NMBR: variants seen among roughly 807,000 people sequenced by gnomAD.
NMBR encodes the protein neuromedin B receptor.
Under a neutral mutation model 20.5 loss-of-function variants are expected in NMBR, and 16 were observed. The observed-to-expected ratio is 0.78, with a 90% CI of 0.53 to 1.19. The LOEUF (loss-of-function observed/expected upper bound fraction) is 1.19, where lower values mean the gene tolerates loss of function less well. Among genes scored for constraint, NMBR ranks in the 50% most tolerant of loss-of-function variants. The pLI, the probability that NMBR is intolerant of heterozygous loss-of-function variation, is 0.00. For missense variants in NMBR, 582 were observed against 499.1 expected, an observed-to-expected ratio of 1.17 and a Z score of -1.58; for synonymous variants, 212 against 196.6, an observed-to-expected ratio of 1.08 and a Z score of -0.65.
intron 1 of NMBR, chr6:142,134,813 C>A (rs746008430): frequency 1.9e-5 from 13 of 673,468 alleles, no homozygotes; most frequent in East Asian, 1.1e-4. Flanking sequence ...TTTGAAAAAA[C>A]CATTTTTCTC....
intron 1 of NMBR, among the ~76,000 whole-genome samples, chr6:142,096,801 G>A (rs1290248182): frequency 6.6e-6 from 1 of 151,850 alleles, no homozygotes; most frequent in African/African-American, 2.4e-5. Context: ...TATTGTGTGG[G>A]AGTCTAAGTC....
At chr6:142,117,067 G>A (rs1236873556) in intron 1 of NMBR, among the ~76,000 whole-genome samples, 1 of 151,838 alleles carries the variant, frequency 6.6e-6, no homozygotes, top group African/African-American at 2.4e-5. Context: ...TAATAGGACT[G>A]GCTTCCATTT....
chr6:142,098,986 G>A (rs186313851), intron 1 of NMBR, among the ~76,000 whole-genome samples: 1 of 152,142 alleles, frequency 6.6e-6, no homozygotes, highest in African/African-American at 2.4e-5. Context: ...AGACCAGAGA[G>A]CCCAGAAATG....
At chr6:142,081,578 T>C (rs533070050) in intron 2 of NMBR, among the ~76,000 whole-genome samples, 5 of 152,244 alleles carry the variant, frequency 3.3e-5, no homozygotes, top group African/African-American at 1.2e-4. Flanking sequence ...GAGTTGAAAA[T>C]ACAGATTACT....
intron 1 of NMBR, among the ~76,000 whole-genome samples, chr6:142,095,788 T>C (rs28882402): frequency 0.03 from 4,625 of 152,186 alleles, 209 homozygotes; most frequent in African/African-American, 0.11. Context: ...GTCCTGGACT[T>C]TTTTTGGTTG....
chr6:142,075,655 G>C lies in NMBR; in HGVS notation c.1166C>G (p.Ala389Gly). ...LNGHSMKQEM[A>G]L is the part of the protein sequence containing the mutation. Reference sequence around the variant, plus strand: ...TGAGTTGAATGGCCAAAATCACAGTGCCATTTCCTGCTTCATGCTGTGCCC... The same window carrying C: ...TGAGTTGAATGGCCAAAATCACAGTCCCATTTCCTGCTTCATGCTGTGCCC... Residue 389 changes from alanine (A) to glycine (G), a missense_variant, in exon 4 of 4, where the codon GCA becomes GGA. By Grantham distance (60) the Ala-to-Gly change is moderately conservative. Transcript: ENST00000258042. The C allele has an allele frequency of 6.2e-7, 1 of 1,605,742 alleles. No homozygotes were observed. The highest frequency in any genetic ancestry group is 8.5e-7 in the Non-Finnish European group (1 of 1,175,392).
At chr6:142,110,981 T>C (rs1777753006) in intron 1 of NMBR, among the ~76,000 whole-genome samples, 1 of 152,170 alleles carries the variant, frequency 6.6e-6, no homozygotes, top group Admixed American at 6.5e-5. Context: ...GGCTCACACC[T>C]GTAATGCCAG....
intron 1 of NMBR, among the ~76,000 whole-genome samples, chr6:142,113,369 T>G (rs1281920176): frequency 6.6e-6 from 1 of 152,108 alleles, no homozygotes; most frequent in Non-Finnish European, 1.5e-5. Context: ...AAACTTCTGG[T>G]TTTGCTGAAA....
chr6:142,110,016 A>G (rs1777732432), intron 1 of NMBR, among the ~76,000 whole-genome samples: 1 of 152,186 alleles, frequency 6.6e-6, no homozygotes, highest in Non-Finnish European at 1.5e-5. Flanking sequence ...GTATTTTGTT[A>G]TAGCAGTTTG....
intron 1 of NMBR, among the ~76,000 whole-genome samples, chr6:142,118,478 A>G (rs1027494519): frequency 6.6e-6 from 1 of 151,980 alleles, no homozygotes; most frequent in Non-Finnish European, 1.5e-5. Flanking sequence ...AGCTAGGAAC[A>G]TCTGAAGGAC....
At chr6:142,093,407 G>GT (rs1156893308) in intron 1 of NMBR, among the ~76,000 whole-genome samples, 1 of 148,082 alleles carries the variant, frequency 6.8e-6, no homozygotes, top group Admixed American at 6.9e-5. Flanking sequence ...GCAGTGTTTG[G>GT]TTTTTTGTCC....
chr6:142,125,510 T>TGTGC (rs1330890414), intron 1 of NMBR, among the ~76,000 whole-genome samples: 203 of 149,822 alleles, frequency 1.4e-3, no homozygotes, highest in South Asian at 2.5e-3. Flanking sequence ...CACATATACA[T>TGTGC]ACATACACAA....
chr6:142,099,560 C>T (rs1777521802), intron 1 of NMBR, among the ~76,000 whole-genome samples: 1 of 152,104 alleles, frequency 6.6e-6, no homozygotes. Flanking sequence ...CACCAGGCCC[C>T]TCCCCCGACA....
At chr6:142,138,918 G>C (rs1324631746) in intron 1 of NMBR, among the ~76,000 whole-genome samples, 1 of 152,084 alleles carries the variant, frequency 6.6e-6, no homozygotes, top group Non-Finnish European at 1.5e-5. Flanking sequence ...TTTAAGCTTT[G>C]TTATATATGA....
At chr6:142,083,271 G>C (rs1210303319) in intron 2 of NMBR, among the ~76,000 whole-genome samples, 11 of 152,052 alleles carry the variant, frequency 7.2e-5, no homozygotes, top group Admixed American at 7.2e-4. Flanking sequence ...TGTTTCTATG[G>C]TTATATAAAA....
At chr6:142,114,356 T>C (rs1777816941) in intron 1 of NMBR, among the ~76,000 whole-genome samples, 1 of 152,162 alleles carries the variant, frequency 6.6e-6, no homozygotes, top group Non-Finnish European at 1.5e-5. Context: ...TTGTGGTTGG[T>C]AATCTAATAC....
chr6:142,098,970 T>C (rs1409180336), intron 1 of NMBR, among the ~76,000 whole-genome samples: 2 of 152,140 alleles, frequency 1.3e-5, no homozygotes, highest in Admixed American at 1.3e-4. Context: ...AATAGATCAA[T>C]GGAAGAGACC....
Position 142,078,860 on chromosome 6 carries a change from C to A in NMBR, c.466G>T (p.Ala156Ser), listed in dbSNP as rs1476613749. Residue 156 changes from alanine to serine, a missense_variant, in exon 3 of 4, where the codon GCA becomes TCA. Ala to Ser is a moderately conservative substitution (Grantham distance 99, BLOSUM62 1). Transcript: ENST00000258042. ...GCCTTCACACAGGTCCGCAGCAATGCCCCTGACGTCTGCATGTCCATGGGG... is the reference window on the plus strand; with the variant it reads ...GCCTTCACACAGGTCCGCAGCAATGACCCTGACGTCTGCATGTCCATGGGG... The part of the protein sequence containing the change: ...VNPMDMQTSG[A>S]LLRTCVKAMG... 3 of 1,613,382 alleles carry A rather than the reference C, an allele frequency of 1.9e-6. No individual in the cohort carries two copies. The highest frequency in any genetic ancestry group is 1.7e-6 in the Non-Finnish European group (2 of 1,179,934).
At chr6:142,137,802 G>T (rs1285937763) in intron 1 of NMBR, among the ~76,000 whole-genome samples, 1 of 152,054 alleles carries the variant, frequency 6.6e-6, no homozygotes, top group Non-Finnish European at 1.5e-5. Context: ...TACATTTATT[G>T]ATTTGCGCAT....
Sources: gnomAD v4.1 joint callset for allele counts (sites outside exome capture counted in the v4.1 genomes callset) on GRCh38, gnomAD v4.1.1 for gene constraint, MANE v1.5 for transcripts, NCBI Gene and HGNC (gene_info 2026-07-23, HGNC 2026-07-21) for gene names.